Variants in KDM6B observed in about 807,000 individuals in gnomAD.
The protein encoded by KDM6B is lysine demethylase 6B.
Under a neutral mutation model 150.4 loss-of-function variants are expected in KDM6B, and 22 were observed. The ratio of observed to expected loss-of-function variants is 0.15; its 90% CI spans 0.10 to 0.21. The LOEUF (loss-of-function observed/expected upper bound fraction) is 0.21. KDM6B is among the 10% of genes least tolerant of loss of function. The probability of loss-of-function intolerance (pLI) is 1.00; values close to 1 mark genes in which losing one functional copy is unlikely to be tolerated. For synonymous variants in KDM6B, 1,148 were observed against 921.1 expected, an observed-to-expected ratio of 1.25 and a Z score of -4.46; for missense variants, 1,984 against 2,234.3, an observed-to-expected ratio of 0.89 and a Z score of 2.26.
Position 7,847,083 on chromosome 17 carries a change from C to T in KDM6B, c.910-22C>T, listed in dbSNP as rs768469797. On this transcript the variant is annotated intron_variant, in intron 10 of 23. Transcript: ENST00000448097. Reference sequence around the variant, plus strand: ...CCCACGCTCTCTATTCCTCATCCTGCATCCCTGTTTATCTCCTATAGGAGC... The same window carrying T: ...CCCACGCTCTCTATTCCTCATCCTGTATCCCTGTTTATCTCCTATAGGAGC... The T allele has an allele frequency of 1.9e-6, 3 of 1,610,902 alleles. No individual in the cohort carries two copies. In the Admixed American group the frequency reaches 5.0e-5, roughly 27 times the overall value.
chr17:7,845,726 C>T (rs140362144), intron 5 of KDM6B, 35 bp downstream of exon 5: 4 of 1,613,610 alleles, frequency 2.5e-6, no homozygotes, highest in Non-Finnish European at 3.4e-6. Context: ...CCAGGCACAC[C>T]TCTTTCCATC....
chr17:7,851,249 G>A (rs772373130), intron 15 of KDM6B, 23 bp downstream of exon 15: 8 of 1,613,754 alleles, frequency 5.0e-6, no homozygotes, highest in Non-Finnish European at 6.8e-6. Flanking sequence ...CGTGGCCAGA[G>A]GCAGGTCCTG....
In KDM6B at chr17:7,852,228, T is replaced by A; in HGVS notation, c.4360T>A (p.Phe1454Ile). The change falls in exon 20 of 24, where the codon TTC becomes ATC. Residue 1454 changes from phenylalanine (F) to isoleucine (I), a missense_variant. Physicochemically the swap from Phe to Ile is conservative, Grantham distance 21. This residue lies in a region of KDM6B where 41 missense variants were observed against 158.8 expected (regional missense o/e 0.26). Coordinates refer to ENST00000448097, the MANE Select transcript of KDM6B (RefSeq NM_001348716.2). ...LYASNIPVYR[F>I]VQRPGDLVWI... is the part of the protein sequence containing the mutation. The stretch of plus-strand genomic sequence containing the variant: ...TGCATCCAATATTCCTGTGTACCGC[T>A]TCGTGCAGCGACCCGGAGACCTCGT... 6.2e-7 allele frequency: 1 copy of A among 1,614,122 alleles called. No individual in the cohort carries two copies. The highest frequency in any genetic ancestry group is 8.5e-7 in the Non-Finnish European group (1 of 1,180,018).
Position 7,843,245 on chromosome 17 carries a change from C to T in KDM6B, c.-268-1656C>T, listed in dbSNP as rs2078454456. Among the ~76,000 whole-genome samples the T allele has an allele frequency of 6.6e-6, 1 of 152,196 alleles. No homozygotes were observed. Among genetic ancestry groups the T allele is most frequent in the Non-Finnish European group, 1.5e-5 (1 of 68,028 alleles). On this transcript the variant is annotated intron_variant, in intron 2 of 23. Transcript: ENST00000448097. This position sits in a 1 kb window ranked among gnomAD's most constrained non-coding sequence, Gnocchi z 4.5. ...CCCGGCTCCCCCTCCACGTCTGGTT[C>T]TTGGGTCTCCTCCCCGCCCCTGCCT...
In KDM6B at chr17:7,847,445, C is replaced by G. The variant is rs1421965012; in HGVS notation, c.1250C>G (p.Pro417Arg). Residue 417 changes from proline (P) to arginine (R), a missense_variant, in exon 11 of 24, where the codon CCA becomes CGA. By Grantham distance (103) the Pro-to-Arg change is moderately radical (BLOSUM62 -2). Around this residue, in one of 13 missense-constraint regions of KDM6B, gnomAD observed 1,379 missense variants for 1,275.6 expected, o/e 1.08. Coordinates refer to ENST00000448097, the MANE Select transcript of KDM6B (RefSeq NM_001348716.2). ...GGTCTCCGGGGCGTGGAGCCGAACC[C>G]AGGCATTGTGAGTGACAACTGAGGG... ...NTGLRGVEPN[P>R]GIPGADHYQT... 6.2e-7 allele frequency: 1 copy of G among 1,613,614 alleles called. No individual in the cohort carries two copies. The highest frequency in any genetic ancestry group is 8.5e-7 in the Non-Finnish European group (1 of 1,179,980).
rs867530296 is a variant in KDM6B, at chr17:7,846,117, C to T, written c.276C>T (p.Ser92=). ...TPRPLHGKLE[S]LHGCVQALLR... The stretch of plus-strand genomic sequence containing the variant: ...GACCCCTCCATGGGAAGCTGGAATC[C>T]CTGCATGGCTGTGTGCAGGCATTGC... Residue 92 remains serine, a synonymous_variant, in exon 7 of 24, where the codon TCC becomes TCT. Transcript: ENST00000448097. 1 of 1,608,512 alleles carries T rather than the reference C, an allele frequency of 6.2e-7. No individual in the cohort carries two copies. The highest frequency in any genetic ancestry group is 8.5e-7 in the Non-Finnish European group (1 of 1,176,964).
chr17:7,852,916 C>A, intron 21 of KDM6B, 84 bp from the exon 22 acceptor site: 1 of 1,580,062 alleles, frequency 6.3e-7, no homozygotes. Flanking sequence ...GGCCCTGGGG[C>A]TGCCCACCCC....
At chr17:7,834,576 G>A (rs559010819) in intron 1 of KDM6B, among the ~76,000 whole-genome samples, 1 of 149,494 alleles carries the variant, frequency 6.7e-6, no homozygotes, top group Non-Finnish European at 1.5e-5. Flanking sequence ...ATGTCCAGAG[G>A]GGCCTGAAAG....
Position 7,846,613 on chromosome 17 carries a change from C to G in KDM6B, c.584C>G (p.Pro195Arg). 1 of 1,614,100 alleles carries G rather than the reference C, an allele frequency of 6.2e-7. No homozygotes were observed. Residue 195 changes from proline to arginine, a missense_variant, in exon 9 of 24, where the codon CCC becomes CGC. By Grantham distance (103) the Pro-to-Arg change is moderately radical. Transcript: ENST00000448097. ...KRNYGAKRGG[P>R]PVKRAAEPPV... ...AACTATGGAGCCAAGCGGGGAGGTC[C>G]CCCGGTGAAGCGAGCTGCTGAACCC...
chr17:7,846,986 G>A lies in KDM6B; in HGVS notation c.879G>A (p.Glu293=). 1 of 1,613,254 alleles carries A rather than the reference G, an allele frequency of 6.2e-7. No individual in the cohort carries two copies. Among genetic ancestry groups the A allele is most frequent in the South Asian group, 1.1e-5 (1 of 91,076 alleles). ...STLHGDAWGP[E]RKGSAPPERQ... ...TGCATGGAGATGCCTGGGGCCCAGA[G>A]CGCAAGGGTTCAGCACCCCCAGAGC... Residue 293 remains glutamate, a synonymous_variant, in exon 10 of 24, where the codon GAG becomes GAA. Coordinates refer to ENST00000448097, the MANE Select transcript of KDM6B (RefSeq NM_001348716.2).
At position 7,843,584 on chromosome 17, in the gene KDM6B, G is replaced by C. The variant is rs546110021; in HGVS notation, c.-268-1317G>C. Among the ~76,000 whole-genome samples the C allele has an allele frequency of 1.3e-5, 2 of 152,304 alleles. No individual in the cohort carries two copies. The highest frequency in any genetic ancestry group is 3.9e-4 in the East Asian group (2 of 5,176). The stretch of plus-strand genomic sequence containing the variant: ...TGGGTGGAAATTTCCCCACAGCGCA[G>C]ACTTCTCTCAACGAACGCGAACTTT... On this transcript the variant is annotated intron_variant, in intron 2 of 23. Transcript: ENST00000448097. This position sits in a 1 kb window ranked among gnomAD's most constrained non-coding sequence, Gnocchi z 4.5.
intron 1 of KDM6B, among the ~76,000 whole-genome samples, chr17:7,838,028 T>C (rs2078357052): frequency 6.6e-6 from 1 of 151,822 alleles, no homozygotes; most frequent in East Asian, 1.9e-4. Context: ...GGACAAGAAA[T>C]AGCTAAGACT....
rs2078491622 is a variant in KDM6B, at chr17:7,844,609, C to G, written c.-268-292C>G. 6.6e-6 allele frequency among the ~76,000 whole-genome samples: 1 copy of G among 152,172 alleles called. No homozygotes were observed. Among genetic ancestry groups the G allele is most frequent in the Non-Finnish European group, 1.5e-5 (1 of 68,006 alleles). ...TACGGTGGCCGGGCGTGGGGCTACT[C>G]GAGCAGCCTGGCCGTGGCCACCGGC... On this transcript the variant is annotated intron_variant, in intron 2 of 23. Coordinates refer to ENST00000448097, the MANE Select transcript of KDM6B (RefSeq NM_001348716.2). This position sits in a 1 kb window ranked among gnomAD's most constrained non-coding sequence, Gnocchi z 5.9.
chr17:7,849,511 C>A lies in KDM6B; in HGVS notation c.3223C>A (p.Arg1075=), dbSNP rs780147724. 4 of 1,612,820 alleles carry A rather than the reference C, an allele frequency of 2.5e-6. No homozygotes were observed. In the South Asian group the frequency reaches 4.4e-5, roughly 18 times the overall value. Residue 1075 remains arginine (R), a synonymous_variant, in exon 12 of 24, where the codon CGG becomes AGG. Coordinates refer to ENST00000448097, the MANE Select transcript of KDM6B (RefSeq NM_001348716.2). ...AGCCTCTGTCCCTGGAAAGAAGGCT[C>A]GGGAGGAAGCCCCAGGGCCACCGGG... ...PSASVPGKKA[R]EEAPGPPGVS...
chr17:7,852,186 A>G lies in KDM6B; in HGVS notation c.4318A>G (p.Ile1440Val). Residue 1440 changes from isoleucine to valine, a missense_variant, in exon 20 of 24, where the codon ATC becomes GTC. This residue lies in a region of KDM6B where 41 missense variants were observed against 158.8 expected (regional missense o/e 0.26). Transcript: ENST00000448097. ...VDYLTGSWWP[I>V]LDDLYASNIP... ...CTACTTGACGGGTTCCTGGTGGCCA[A>G]TCCTGGATGATCTCTATGCATCCAA... 6.2e-7 allele frequency: 1 copy of G among 1,614,114 alleles called. No homozygotes were observed.
rs1358599972 is a variant in KDM6B, at chr17:7,845,928, G to A, written c.194G>A (p.Gly65Asp). Residue 65 changes from glycine to aspartate, a missense_variant, in exon 6 of 24, where the codon GGC becomes GAC. Physicochemically the swap from Gly to Asp is moderately conservative, Grantham distance 94 (BLOSUM62 -1). Coordinates refer to ENST00000448097, the MANE Select transcript of KDM6B (RefSeq NM_001348716.2). ...CCTGCTCCCCTACCCCCTTCACATG[G>A]CAGTAGTTCTGGGCACCCCAGCAAA... Reference protein sequence around the residue: ...PLPAPLPPSHGSSSGHPSKPY... With the variant: ...PLPAPLPPSHDSSSGHPSKPY... 1.2e-6 allele frequency: 2 copies of A among 1,613,978 alleles called. No homozygotes were observed. Among genetic ancestry groups the A allele is most frequent in the African/African-American group, 1.3e-5 (1 of 74,908 alleles).
intron 2 of KDM6B, among the ~76,000 whole-genome samples, chr17:7,841,751 G>C (rs1457860130): frequency 1.3e-5 from 2 of 152,236 alleles, no homozygotes; most frequent in East Asian, 3.9e-4. Flanking sequence ...ACACATAGCG[G>C]GCCGGGGCCG....
chr17:7,836,977 C>T (rs1260559842), intron 1 of KDM6B, among the ~76,000 whole-genome samples: 1 of 152,154 alleles, frequency 6.6e-6, no homozygotes. Context: ...CATCTCTTTC[C>T]CCTCTCCCTT....
At chr17:7,846,371 G>GGGGGGGGGCCCGGGGGCCCCCCCCC in intron 7 of KDM6B, 29 bp from the exon 8 acceptor site, 1 of 1,488,920 alleles carries the variant, frequency 6.7e-7, no homozygotes, top group Non-Finnish European at 9.2e-7. Context: ...CCTGACATCT[G>GGGGGGGGGCCCGGGGGCCCCCCCCC]CCCCTGCCCC....
Sources: gnomAD v4.1 joint callset for allele counts (sites outside exome capture counted in the v4.1 genomes callset) on GRCh38, gnomAD v4.1.1 for gene constraint, gnomAD v4.1.1 regional missense constraint, Gnocchi (gnomAD v3.1) non-coding constraint, MANE v1.5 for transcripts, NCBI Gene and HGNC (gene_info 2026-07-23, HGNC 2026-07-21) for gene names.